OR9Q1: variants seen among roughly 807,000 people sequenced by gnomAD.
The protein encoded by OR9Q1 is olfactory receptor 9Q1.
For synonymous variants in OR9Q1, 153 were observed against 148.6 expected (o/e 1.03, Z -0.22); for missense variants, 374 against 378.8 (o/e 0.99, Z 0.11).
At chr11:58,123,998 G>T (rs1018934307) in intron 2 of OR9Q1, among the ~76,000 whole-genome samples, 3 of 152,128 alleles carry the variant, frequency 2.0e-5, no homozygotes, top group African/African-American at 7.2e-5. Context: ...AATAAAATGA[G>T]AATATAGTAA....
chr11:58,120,659 T>G (rs557652128), intron 2 of OR9Q1, among the ~76,000 whole-genome samples: 6 of 151,686 alleles, frequency 4.0e-5, no homozygotes, highest in South Asian at 2.1e-4. Context: ...CTAAATAATG[T>G]TGGCTACTTT....
chr11:58,150,460 G>T (rs952913831), intron 2 of OR9Q1, among the ~76,000 whole-genome samples: 1 of 152,256 alleles, frequency 6.6e-6, no homozygotes. Flanking sequence ...TGGGTTGTTT[G>T]TTTATTGTTG....
intron 2 of OR9Q1, among the ~76,000 whole-genome samples, chr11:58,138,025 G>A (rs1854205407): frequency 6.6e-6 from 1 of 152,126 alleles, no homozygotes; most frequent in Non-Finnish European, 1.5e-5. Flanking sequence ...ATCAAGAGAT[G>A]GGAGATACTT....
chr11:58,107,828 T>A (rs1375354238), intron 2 of OR9Q1, among the ~76,000 whole-genome samples: 1 of 152,236 alleles, frequency 6.6e-6, no homozygotes, highest in Admixed American at 6.5e-5. Context: ...GAGTATTAAA[T>A]GAAGCATTAT....
intron 2 of OR9Q1, among the ~76,000 whole-genome samples, chr11:58,139,300 T>C (rs1854220084): frequency 6.6e-6 from 1 of 151,466 alleles, no homozygotes. Context: ...TTTTTTATTA[T>C]ACTTTAAGTT....
intron 2 of OR9Q1, among the ~76,000 whole-genome samples, chr11:58,175,725 C>T (rs772201617): frequency 7.4e-4 from 112 of 151,878 alleles, no homozygotes; most frequent in Non-Finnish European, 9.1e-4. Context: ...CTTAGCACAG[C>T]GACGAGTCAA....
At chr11:58,046,566 A>C (rs1275296080) in intron 1 of OR9Q1, among the ~76,000 whole-genome samples, 1 of 152,122 alleles carries the variant, frequency 6.6e-6, no homozygotes, top group Non-Finnish European at 1.5e-5. Flanking sequence ...ACTGCACTTA[A>C]ATTAGAATTT....
intron 2 of OR9Q1, among the ~76,000 whole-genome samples, chr11:58,133,784 G>A (rs563660046): frequency 1.9e-4 from 29 of 152,290 alleles, no homozygotes; most frequent in South Asian, 4.1e-4. Context: ...TCAGCATGAC[G>A]CCATTGACGT....
At chr11:58,173,470 C>A (rs1432035024) in intron 2 of OR9Q1, among the ~76,000 whole-genome samples, 1 of 151,644 alleles carries the variant, frequency 6.6e-6, no homozygotes, top group African/African-American at 2.4e-5. Context: ...ATGAACTCAT[C>A]ATTTTTTATG....
intron 1 of OR9Q1, among the ~76,000 whole-genome samples, chr11:58,055,452 G>A (rs758661170): frequency 1.3e-5 from 2 of 152,082 alleles, no homozygotes; most frequent in African/African-American, 2.4e-5. Context: ...AAGAGGTGGG[G>A]CAGTTTCAGA....
Position 58,111,678 on chromosome 11 carries a change from A to G in OR9Q1, c.-15+55731A>G, listed in dbSNP as rs187666359. Among the ~76,000 whole-genome samples the G allele has an allele frequency of 8.3e-4, 127 of 152,306 alleles. 1 individual carries two copies. Among genetic ancestry groups the G allele is most frequent in the African/African-American group, 2.4e-3 (99 of 41,572 alleles). On this transcript the variant is annotated intron_variant, in intron 2 of 2. Transcript: ENST00000335397. ...AAAGGGACCATACATGACACAAAAC[A>G]TGGCTCATGCCTTCAGCCTGGGTTG...
intron 2 of OR9Q1, among the ~76,000 whole-genome samples, chr11:58,068,076 C>T (rs538698534): frequency 9.9e-5 from 15 of 152,108 alleles, no homozygotes; most frequent in East Asian, 1.9e-4. Flanking sequence ...TGGTGGCTCA[C>T]GCCTGTAATC....
At chr11:58,158,591 T>C (rs907614854) in intron 2 of OR9Q1, among the ~76,000 whole-genome samples, 2 of 152,122 alleles carry the variant, frequency 1.3e-5, no homozygotes, top group Admixed American at 6.5e-5. Context: ...TGCCTCTACT[T>C]TCAGCAGTGG....
chr11:58,061,339 CATT>C (rs36091536), intron 2 of OR9Q1, among the ~76,000 whole-genome samples: 17,121 of 152,200 alleles, frequency 0.11, 1,479 homozygotes, highest in African/African-American at 0.22. Context: ...ATTGTATCAT[CATT>C]ATCACTAATA....
chr11:58,050,425 T>G (rs1442280299), intron 1 of OR9Q1, among the ~76,000 whole-genome samples: 1 of 135,592 alleles, frequency 7.4e-6, no homozygotes, highest in Admixed American at 7.8e-5. Context: ...ATCCCTTCCT[T>G]ACACCTTATA....
intron 2 of OR9Q1, chr11:58,077,502 T>C (rs944564211): frequency 6.6e-6 from 1 of 152,162 alleles, no homozygotes; most frequent in Non-Finnish European, 1.5e-5. Context: ...TTATCTGAGG[T>C]ACTTCACATG....
At chr11:58,075,911 C>T (rs1180065845) in intron 2 of OR9Q1, among the ~76,000 whole-genome samples, 2 of 152,144 alleles carry the variant, frequency 1.3e-5, no homozygotes, top group Non-Finnish European at 2.9e-5. Flanking sequence ...AACCTCTGTA[C>T]CAAGTACTGG....
At chr11:58,138,853 G>C (rs919496737) in intron 2 of OR9Q1, among the ~76,000 whole-genome samples, 5 of 152,182 alleles carry the variant, frequency 3.3e-5, no homozygotes, top group African/African-American at 9.7e-5. Context: ...CTGTACCATA[G>C]ATTTCAAGAA....
At chr11:58,079,043 C>T (rs533535157) in intron 2 of OR9Q1, among the ~76,000 whole-genome samples, 29 of 152,270 alleles carry the variant, frequency 1.9e-4, no homozygotes, top group African/African-American at 5.8e-4. Flanking sequence ...ATAGAGAACT[C>T]GAGGAAAGAC....
Sources: allele counts gnomAD v4.1 joint callset (sites outside exome capture counted in the v4.1 genomes callset), GRCh38; gene constraint gnomAD v4.1.1; transcripts MANE v1.5; gene names NCBI Gene and HGNC (gene_info 2026-07-23, HGNC 2026-07-21).